Variants in NLGN4X observed in about 807,000 individuals in gnomAD.
NLGN4X encodes neuroligin-4, X-linked.
In NLGN4X, 3 loss-of-function variants were observed where a neutral mutation model predicts 40.3. The observed-to-expected ratio is 0.07, with a 90% CI of 0.03 to 0.19. NLGN4X has a LOEUF of 0.19. NLGN4X is among the 10% of genes least tolerant of loss of function. The probability of loss-of-function intolerance (pLI) is 1.00; values close to 1 mark genes in which losing one functional copy is unlikely to be tolerated. For synonymous variants in NLGN4X, 270 were observed against 306.8 expected, an observed-to-expected ratio of 0.88 and a Z score of 1.25; for missense variants, 382 against 708.3, an observed-to-expected ratio of 0.54 and a Z score of 5.23.
At chrX:6,015,394 C>T (rs1438327380) in intron 3 of NLGN4X, among the ~76,000 whole-genome samples, 1 of 110,640 alleles carries the variant, frequency 9.0e-6, no homozygotes, top group Non-Finnish European at 1.9e-5. Context: ...CTATCTCACT[C>T]TCTCTCTCTC....
At chrX:5,904,795 A>G (rs1449518651) in intron 4 of NLGN4X, among the ~76,000 whole-genome samples, 2 of 112,160 alleles carry the variant, frequency 1.8e-5, no homozygotes, top group Non-Finnish European at 3.8e-5. Context: ...CGAGTCGGGC[A>G]CTAAAGAATA....
chrX:5,938,724 G>A (rs2146895004), intron 3 of NLGN4X, among the ~76,000 whole-genome samples: 1 of 111,055 alleles, frequency 9.0e-6, no homozygotes, highest in African/African-American at 3.3e-5. Context: ...ACACTACATG[G>A]GACCCTTATC....
At chrX:5,895,497 A>T (rs898212364) in intron 5 of NLGN4X, among the ~76,000 whole-genome samples, 2 of 111,551 alleles carry the variant, frequency 1.8e-5, no homozygotes, top group Non-Finnish European at 3.8e-5. Flanking sequence ...AGAGTGCATA[A>T]AAGTATATTG....
intron 3 of NLGN4X, among the ~76,000 whole-genome samples, chrX:6,006,168 T>C (rs1437513292): frequency 1.8e-5 from 2 of 111,018 alleles, no homozygotes; most frequent in Non-Finnish European, 3.8e-5. Flanking sequence ...TCTTATAAGA[T>C]AAATTTTTGC....
intron 3 of NLGN4X, among the ~76,000 whole-genome samples, chrX:6,009,284 T>C (rs2036186126): frequency 8.9e-6 from 1 of 111,858 alleles, no homozygotes; most frequent in South Asian, 3.7e-4. Context: ...TACCCGGAGG[T>C]AGAATTGTTG....
At chrX:6,111,310 T>G (rs2039143194) in intron 2 of NLGN4X, among the ~76,000 whole-genome samples, 1 of 111,493 alleles carries the variant, frequency 9.0e-6, no homozygotes. Context: ...TAAAAGAGGC[T>G]GCAGGCCCTT....
At chrX:5,943,609 C>A (rs185255263) in intron 3 of NLGN4X, among the ~76,000 whole-genome samples, 40 of 112,208 alleles carry the variant, frequency 3.6e-4, no homozygotes, top group African/African-American at 1.2e-3. Flanking sequence ...AGAAAATGCT[C>A]AAAAATATGC....
intron 3 of NLGN4X, among the ~76,000 whole-genome samples, chrX:6,013,772 C>G (rs1442742613): frequency 9.1e-6 from 1 of 110,376 alleles, no homozygotes; most frequent in Non-Finnish European, 1.9e-5. Flanking sequence ...ATAGGAGGAT[C>G]AATTGACCCA....
At position 6,065,778 on chromosome X, in the gene NLGN4X, C is replaced by T. The variant is rs192710556; in HGVS notation, c.473-36346G>A. Among the ~76,000 whole-genome samples, 342 of 111,263 alleles carry T rather than the reference C, an allele frequency of 3.1e-3. 1 individual carries two copies. Among genetic ancestry groups the T allele is most frequent in the Non-Finnish European group, 3.9e-3 (208 of 53,048 alleles). ...AAACACATAATAGGAAACATGTACTCTATTATTTGGTGCCTAAATTTTCCT... is the reference window on the plus strand; with the variant it reads ...AAACACATAATAGGAAACATGTACTTTATTATTTGGTGCCTAAATTTTCCT... On this transcript the variant is annotated intron_variant, in intron 2 of 5. Coordinates refer to ENST00000381095, the MANE Select transcript of NLGN4X (RefSeq NM_181332.3).
intron 2 of NLGN4X, among the ~76,000 whole-genome samples, chrX:6,030,528 A>C (rs2036830488): frequency 9.2e-6 from 1 of 108,908 alleles, no homozygotes; most frequent in Admixed American, 9.9e-5. Flanking sequence ...ATCCACAGGG[A>C]CACTTTTGAA....
chrX:6,213,802 C>T (rs1263628125), intron 1 of NLGN4X, among the ~76,000 whole-genome samples: 1 of 111,932 alleles, frequency 8.9e-6, no homozygotes. Flanking sequence ...ATAATCAGCA[C>T]CTTCTTTTAA....
At chrX:6,040,592 T>C (rs898723078) in intron 2 of NLGN4X, among the ~76,000 whole-genome samples, 2 of 112,297 alleles carry the variant, frequency 1.8e-5, no homozygotes, top group African/African-American at 6.5e-5. Flanking sequence ...CTGGAATTTA[T>C]TTATCTGGAT....
intron 3 of NLGN4X, among the ~76,000 whole-genome samples, chrX:5,953,290 T>C (rs754449523): frequency 1.7e-4 from 19 of 110,886 alleles, no homozygotes; most frequent in African/African-American, 6.2e-4. Context: ...GTGGGAGGAT[T>C]GCTTGAGCCC....
intron 3 of NLGN4X, among the ~76,000 whole-genome samples, chrX:5,944,768 C>T (rs1247721168): frequency 1.8e-5 from 2 of 110,356 alleles, no homozygotes; most frequent in South Asian, 7.7e-4. Flanking sequence ...TATTTGAGTT[C>T]TATTTTGTCA....
intron 5 of NLGN4X, among the ~76,000 whole-genome samples, chrX:5,894,051 A>G (rs767094835): frequency 8.9e-6 from 1 of 112,175 alleles, no homozygotes; most frequent in South Asian, 3.7e-4. Context: ...CTCATCCAGG[A>G]CTGATTTGCT....
intron 2 of NLGN4X, among the ~76,000 whole-genome samples, chrX:6,136,911 T>C (rs1265970973): frequency 8.9e-6 from 1 of 112,305 alleles, no homozygotes; most frequent in Non-Finnish European, 1.9e-5. Context: ...CAGTGGGTAC[T>C]GAGAGAGGAT....
At chrX:5,963,520 C>T (rs1411464208) in intron 3 of NLGN4X, among the ~76,000 whole-genome samples, 1 of 111,791 alleles carries the variant, frequency 8.9e-6, no homozygotes, top group Non-Finnish European at 1.9e-5. Flanking sequence ...GCAGCCCGAA[C>T]AGACCAAAAC....
intron 1 of NLGN4X, among the ~76,000 whole-genome samples, chrX:6,194,429 C>T (rs1372955401): frequency 2.7e-5 from 3 of 111,236 alleles, no homozygotes; most frequent in Non-Finnish European, 1.9e-5. Context: ...GTAACACCTG[C>T]GAGATATCTA....
At chrX:6,212,285 T>A (rs1463370273) in intron 1 of NLGN4X, among the ~76,000 whole-genome samples, 3 of 110,031 alleles carry the variant, frequency 2.7e-5, no homozygotes, top group African/African-American at 9.9e-5. Context: ...TACGATTTGC[T>A]TATATTCCTT....
Sources: gnomAD v4.1 joint callset for allele counts (sites outside exome capture counted in the v4.1 genomes callset) on GRCh38, gnomAD v4.1.1 for gene constraint, MANE v1.5 for transcripts, NCBI Gene and HGNC (gene_info 2026-07-23, HGNC 2026-07-21) for gene names.